Variants in EHBP1 observed in about 807,000 individuals in gnomAD.
EHBP1 encodes the protein EH domain binding protein 1.
A neutral mutation model predicts 144.0 loss-of-function variants in EHBP1; 55 were observed. That is an observed-to-expected ratio of 0.38 (90% confidence interval 0.31 to 0.48). The LOEUF is 0.48. Among genes scored for constraint, EHBP1 ranks in the 20% least tolerant of loss-of-function variants. The pLI is 0.98. For synonymous variants in EHBP1, 469 were observed against 472.7 expected (o/e 0.99, Z 0.10); for missense variants, 1,200 against 1,364.2 (o/e 0.88, Z 1.90).
chr2:62,879,018 A>C (rs2051134031), intron 10 of EHBP1, among the ~76,000 whole-genome samples: 1 of 142,054 alleles, frequency 7.0e-6, no homozygotes. Flanking sequence ...ACGCTGTCTC[A>C]AAAAAAAAAA....
chr2:62,794,805 T>C (rs1226825473), intron 5 of EHBP1, among the ~76,000 whole-genome samples: 3 of 152,058 alleles, frequency 2.0e-5, no homozygotes, highest in African/African-American at 4.8e-5. Flanking sequence ...TTTTCTAGTT[T>C]CTAAAAAGGT....
At chr2:62,791,813 C>T (rs1450589514) in intron 5 of EHBP1, among the ~76,000 whole-genome samples, 1 of 151,786 alleles carries the variant, frequency 6.6e-6, no homozygotes, top group Non-Finnish European at 1.5e-5. Flanking sequence ...ATAATTTAGT[C>T]AAGAATACTG....
intron 1 of EHBP1, among the ~76,000 whole-genome samples, chr2:62,685,403 C>A (rs575146544): frequency 6.6e-6 from 1 of 152,146 alleles, no homozygotes; most frequent in African/African-American, 2.4e-5. Context: ...CTGTTTCATG[C>A]CCCTCCCCCA....
chr2:62,861,341 G>A (rs923757434), intron 8 of EHBP1, among the ~76,000 whole-genome samples: 4 of 151,442 alleles, frequency 2.6e-5, no homozygotes, highest in African/African-American at 9.7e-5. Context: ...TGTCGGCCAG[G>A]ATGGTCTCGA....
intron 2 of EHBP1, among the ~76,000 whole-genome samples, chr2:62,725,669 T>C (rs2036703784): frequency 6.6e-6 from 1 of 152,004 alleles, no homozygotes; most frequent in Admixed American, 6.6e-5. Flanking sequence ...GAAATATGGT[T>C]GGTGGAGGAT....
chr2:62,759,466 C>T (rs2040582603), intron 3 of EHBP1, among the ~76,000 whole-genome samples: 1 of 152,012 alleles, frequency 6.6e-6, no homozygotes, highest in Non-Finnish European at 1.5e-5. Flanking sequence ...AGTGCAGTGG[C>T]GTGATCTTGG....
chr2:62,721,750 C>T (rs1231605331), intron 2 of EHBP1, among the ~76,000 whole-genome samples: 2 of 151,832 alleles, frequency 1.3e-5, no homozygotes, highest in Non-Finnish European at 2.9e-5. Flanking sequence ...TCCTTTATTC[C>T]TCATTTATTT....
intron 8 of EHBP1, among the ~76,000 whole-genome samples, chr2:62,860,458 C>T (rs571484672): frequency 1.5e-4 from 23 of 151,680 alleles, no homozygotes; most frequent in African/African-American, 5.6e-4. Context: ...CCATTGCACT[C>T]CAGCCTGGGC....
chr2:63,037,195 A>T (rs545950661), intron 19 of EHBP1, among the ~76,000 whole-genome samples: 1 of 152,054 alleles, frequency 6.6e-6, no homozygotes, highest in East Asian at 1.9e-4. Flanking sequence ...TTTTTTAATC[A>T]TGACCATATG....
chr2:62,688,262 A>G (rs537508027), intron 1 of EHBP1, among the ~76,000 whole-genome samples: 11 of 152,276 alleles, frequency 7.2e-5, no homozygotes, highest in Middle Eastern at 3.4e-3. Context: ...TATATACTCT[A>G]CGCTCCCCTC....
At chr2:62,986,650 G>T (rs1296425159) in intron 15 of EHBP1, among the ~76,000 whole-genome samples, 1 of 151,872 alleles carries the variant, frequency 6.6e-6, no homozygotes. Flanking sequence ...TGTTGGCCAG[G>T]CTGGTCTTGA....
intron 5 of EHBP1, among the ~76,000 whole-genome samples, chr2:62,784,317 G>T (rs1033241921): frequency 6.6e-6 from 1 of 152,024 alleles, no homozygotes; most frequent in East Asian, 1.9e-4. Context: ...GGAGACCATT[G>T]TTCTACTTAA....
At chr2:63,026,922 T>C (rs1024739197) in intron 19 of EHBP1, among the ~76,000 whole-genome samples, 1 of 152,214 alleles carries the variant, frequency 6.6e-6, no homozygotes, top group Non-Finnish European at 1.5e-5. Context: ...GTGAACAGCA[T>C]GAGGGTTTTC....
At chr2:62,793,344 G>T (rs547062920) in intron 5 of EHBP1, among the ~76,000 whole-genome samples, 1 of 151,888 alleles carries the variant, frequency 6.6e-6, no homozygotes, top group Non-Finnish European at 1.5e-5. Context: ...CTCCATTTCC[G>T]CTGCAGTGAC....
chr2:62,996,328 T>C (rs2059624801), intron 18 of EHBP1, among the ~76,000 whole-genome samples: 1 of 152,178 alleles, frequency 6.6e-6, no homozygotes. Flanking sequence ...TCTTTGTCCA[T>C]GCTTAAATAA....
intron 8 of EHBP1, among the ~76,000 whole-genome samples, chr2:62,863,693 G>A (rs950425157): frequency 6.6e-6 from 1 of 151,994 alleles, no homozygotes; most frequent in African/African-American, 2.4e-5. Context: ...AGTGGCCTGT[G>A]AGTATATATA....
intron 19 of EHBP1, among the ~76,000 whole-genome samples, chr2:63,004,548 C>T (rs930556397): frequency 1.3e-5 from 2 of 151,944 alleles, no homozygotes; most frequent in African/African-American, 4.8e-5. Flanking sequence ...ACTTTGGGAA[C>T]ATTCTCCAAT....
At chr2:62,696,508 C>CTTTTTTTTTTTTTTTTTTTTTTTTTTT (rs869081763) in intron 1 of EHBP1, among the ~76,000 whole-genome samples, 17 of 76,756 alleles carry the variant, frequency 2.2e-4, no homozygotes, top group South Asian at 5.6e-4. Flanking sequence ...TTTTTTTCTT[C>CTTTTTTTTTTTTTTTTTTTTTTTTTTT]TTTTTTTTTT....
At chr2:62,742,197 A>T (rs1278417378) in intron 2 of EHBP1, among the ~76,000 whole-genome samples, 1 of 152,102 alleles carries the variant, frequency 6.6e-6, no homozygotes, top group Non-Finnish European at 1.5e-5. Context: ...TTGCCTAATG[A>T]TGCATTTTCT....
Sources: allele counts gnomAD v4.1 joint callset (sites outside exome capture counted in the v4.1 genomes callset), GRCh38; gene constraint gnomAD v4.1.1; transcripts MANE v1.5; gene names NCBI Gene and HGNC (gene_info 2026-07-23, HGNC 2026-07-21).